Variants in THSD7B observed in about 807,000 individuals in gnomAD.
The protein encoded by THSD7B is thrombospondin type-1 domain-containing protein 7B.
In THSD7B, 138 loss-of-function variants were observed where a neutral mutation model predicts 213.6. The observed-to-expected ratio is 0.65, with a 90% confidence interval of 0.56 to 0.74. The LOEUF (loss-of-function observed/expected upper bound fraction) is 0.74, where lower values mean the gene tolerates loss of function less well. Ranked by LOEUF, THSD7B falls within the 30% of genes least tolerant of loss-of-function variation. The pLI is 0.00. For synonymous variants in THSD7B, 742 were observed against 687.0 expected (o/e 1.08, Z -1.25); for missense variants, 1,931 against 1,991.5 (o/e 0.97, Z 0.58).
chr2:137,482,198 A>T (rs1398218874), intron 15 of THSD7B, among the ~76,000 whole-genome samples: 3 of 151,904 alleles, frequency 2.0e-5, no homozygotes, highest in Non-Finnish European at 4.4e-5. Flanking sequence ...AAAAAAAAAA[A>T]AAAAAGGGTT....
chr2:136,964,076 T>C (rs1334716994), intron 2 of THSD7B, among the ~76,000 whole-genome samples: 4 of 152,176 alleles, frequency 2.6e-5, no homozygotes, highest in Non-Finnish European at 5.9e-5. Context: ...TTGCTGAATA[T>C]TTTCACTTTG....
At chr2:137,083,189 G>A (rs907776812) in intron 3 of THSD7B, among the ~76,000 whole-genome samples, 6 of 151,964 alleles carry the variant, frequency 3.9e-5, no homozygotes, top group South Asian at 2.1e-4. Flanking sequence ...CTCAAGCAGC[G>A]TCTCCCATTA....
At chr2:137,375,563 C>T (rs1685634195) in intron 12 of THSD7B, among the ~76,000 whole-genome samples, 1 of 152,136 alleles carries the variant, frequency 6.6e-6, no homozygotes, top group Admixed American at 6.5e-5. Flanking sequence ...TTGTGCAAGA[C>T]ACGAAGGTGT....
chr2:137,598,949 T>C (rs1682021571), intron 17 of THSD7B, among the ~76,000 whole-genome samples: 1 of 151,138 alleles, frequency 6.6e-6, no homozygotes, highest in South Asian at 2.1e-4. Context: ...TAGTTACATA[T>C]GTATACATGT....
chr2:137,638,588 G>A (rs1280668392), intron 20 of THSD7B, among the ~76,000 whole-genome samples: 2 of 152,168 alleles, frequency 1.3e-5, no homozygotes, highest in Non-Finnish European at 2.9e-5. Context: ...ATGTGGAAGC[G>A]ACTTTGGAAC....
At chr2:137,673,979 C>A (rs1015295820) in intron 27 of THSD7B, among the ~76,000 whole-genome samples, 8 of 152,264 alleles carry the variant, frequency 5.3e-5, no homozygotes, top group African/African-American at 1.9e-4. Flanking sequence ...ATTAGTAGCC[C>A]CCGCTGGCCA....
chr2:137,563,824 C>T (rs1002621728), intron 16 of THSD7B, among the ~76,000 whole-genome samples: 2 of 152,094 alleles, frequency 1.3e-5, no homozygotes, highest in African/African-American at 4.8e-5. Flanking sequence ...AGTAGCAATA[C>T]ATGTTAATAT....
At chr2:137,263,974 T>G (rs1682516084) in intron 10 of THSD7B, among the ~76,000 whole-genome samples, 1 of 152,198 alleles carries the variant, frequency 6.6e-6, no homozygotes, top group Non-Finnish European at 1.5e-5. Context: ...CTTATAGAGA[T>G]CTTTTACGTT....
chr2:137,398,484 G>A (rs1686256634), intron 12 of THSD7B, among the ~76,000 whole-genome samples: 1 of 152,008 alleles, frequency 6.6e-6, no homozygotes, highest in African/African-American at 2.4e-5. Context: ...TCGAGGGTCA[G>A]GGGTCAGGGA....
intron 2 of THSD7B, among the ~76,000 whole-genome samples, chr2:136,932,432 C>A (rs935639927): frequency 1.3e-5 from 2 of 152,092 alleles, no homozygotes; most frequent in East Asian, 3.9e-4. Flanking sequence ...CTGGCCCCTG[C>A]GAAGTCAAAA....
Position 137,115,289 on chromosome 2 carries a change from G to A in THSD7B, c.1365G>A (p.Lys455=). Residue 455 remains lysine (K), a synonymous_variant, in exon 5 of 28, where the codon AAG becomes AAA. Transcript: ENST00000409968. ...CAGCAGCTGCCGCACTGAGGGCCAA[G>A]GAAGGTAGGCAGCCAGTTCCGGGAC... The part of the protein sequence containing the change: ...SVPAAAALRA[K]EVSRPVEKAL... 1 of 1,557,338 alleles carries A rather than the reference G, an allele frequency of 6.4e-7. No individual in the cohort carries two copies. Among genetic ancestry groups the A allele is most frequent in the South Asian group, 1.2e-5 (1 of 82,112 alleles).
intron 15 of THSD7B, among the ~76,000 whole-genome samples, chr2:137,550,634 G>A (rs1680828049): frequency 6.6e-6 from 1 of 152,054 alleles, no homozygotes. Context: ...ATCCTTGAAG[G>A]GAGTCAGGAA....
At chr2:137,121,614 C>A (rs1488097857) in intron 5 of THSD7B, among the ~76,000 whole-genome samples, 1 of 152,138 alleles carries the variant, frequency 6.6e-6, no homozygotes, top group Non-Finnish European at 1.5e-5. Flanking sequence ...GCCCTAAGTT[C>A]ATACTCCTGT....
At chr2:137,464,661 G>C (rs918420947) in intron 15 of THSD7B, among the ~76,000 whole-genome samples, 7 of 152,036 alleles carry the variant, frequency 4.6e-5, no homozygotes, top group African/African-American at 1.7e-4. Flanking sequence ...ACAGATTCCA[G>C]TAGTTGGAAT....
intron 1 of THSD7B, among the ~76,000 whole-genome samples, chr2:136,845,378 G>T (rs557680207): frequency 6.6e-6 from 1 of 152,348 alleles, no homozygotes; most frequent in South Asian, 2.1e-4. Flanking sequence ...CTGCTTCAGG[G>T]AAGGATGAGA....
At chr2:137,403,690 G>A (rs1014424050) in intron 12 of THSD7B, among the ~76,000 whole-genome samples, 1 of 152,204 alleles carries the variant, frequency 6.6e-6, no homozygotes, top group African/African-American at 2.4e-5. Flanking sequence ...TGTTGATATG[G>A]AAGATCTGAA....
At chr2:136,799,599 A>G (rs1027393678) in intron 1 of THSD7B, among the ~76,000 whole-genome samples, 3 of 152,030 alleles carry the variant, frequency 2.0e-5, no homozygotes, top group African/African-American at 7.2e-5. Context: ...ATTGCAAAGA[A>G]TGTTTGACTA....
At chr2:137,396,885 T>A (rs1391124555) in intron 12 of THSD7B, among the ~76,000 whole-genome samples, 2 of 151,112 alleles carry the variant, frequency 1.3e-5, no homozygotes, top group Non-Finnish European at 3.0e-5. Flanking sequence ...TAGTTAGCTC[T>A]TCTTGTTGAA....
At chr2:136,843,752 A>G (rs2104957582) in intron 1 of THSD7B, among the ~76,000 whole-genome samples, 1 of 152,278 alleles carries the variant, frequency 6.6e-6, no homozygotes. Flanking sequence ...GTTTCTCTGT[A>G]CTGAGTAGGC....
Sources: gnomAD v4.1 joint callset for allele counts (sites outside exome capture counted in the v4.1 genomes callset) on GRCh38, gnomAD v4.1.1 for gene constraint, MANE v1.5 for transcripts, NCBI Gene and HGNC (gene_info 2026-07-23, HGNC 2026-07-21) for gene names.